The following CNTN3 variants were observed in gnomAD, a reference collection of about 807,000 sequenced individuals.
CNTN3 encodes contactin 3.
Under a neutral mutation model 119.1 loss-of-function variants are expected in CNTN3, and 60 were observed. That is an observed-to-expected ratio of 0.50 (90% CI 0.41 to 0.62). CNTN3 has a LOEUF of 0.62. Ranked by LOEUF, CNTN3 falls within the 20% of genes least tolerant of loss-of-function variation. The pLI is 0.00. For synonymous variants in CNTN3, 450 were observed against 438.7 expected, an observed-to-expected ratio of 1.03 and a Z score of -0.32; for missense variants, 1,101 against 1,242.4, an observed-to-expected ratio of 0.89 and a Z score of 1.71.
chr3:74,290,639 G>T (rs1395964732), intron 19 of CNTN3, among the ~76,000 whole-genome samples: 3 of 152,202 alleles, frequency 2.0e-5, no homozygotes, highest in African/African-American at 7.2e-5. Flanking sequence ...ATTGTTCATG[G>T]TGAGTGTGCA....
chr3:74,586,571 T>C lies in CNTN3; in HGVS notation c.-81+27820A>G, dbSNP rs80009650. Among the ~76,000 whole-genome samples, 68 of 152,202 alleles carry C rather than the reference T, an allele frequency of 4.5e-4. No individual in the cohort carries two copies. The East Asian group carries it at 9.9e-3, about 22-fold the overall frequency. ...ATCCCTGCTACAGAACTGTCTAGCTTTGAGACATTGGTTTTTAGTTACTTC... is the reference window on the plus strand; with the variant it reads ...ATCCCTGCTACAGAACTGTCTAGCTCTGAGACATTGGTTTTTAGTTACTTC... On this transcript the variant is annotated intron_variant, in intron 1 of 22. Transcript: ENST00000263665.
chr3:74,303,157 CTT>C (rs1702492388), intron 13 of CNTN3, among the ~76,000 whole-genome samples: 1 of 152,168 alleles, frequency 6.6e-6, no homozygotes, highest in Non-Finnish European at 1.5e-5. Flanking sequence ...CAGCTCAACT[CTT>C]TTCTCTGGTT....
chr3:74,538,954 T>C (rs1202325652), intron 1 of CNTN3, among the ~76,000 whole-genome samples: 2 of 152,094 alleles, frequency 1.3e-5, no homozygotes, highest in African/African-American at 4.8e-5. Context: ...CCATGGTCTT[T>C]CAAAAACATA....
At chr3:74,376,367 G>A (rs1704475716) in intron 5 of CNTN3, among the ~76,000 whole-genome samples, 1 of 152,186 alleles carries the variant, frequency 6.6e-6, no homozygotes, top group Non-Finnish European at 1.5e-5. Context: ...GCTCCCCATT[G>A]CTCACGTTAC....
chr3:74,284,605 A>G (rs1417044553), intron 20 of CNTN3, among the ~76,000 whole-genome samples: 1 of 152,220 alleles, frequency 6.6e-6, no homozygotes, highest in Non-Finnish European at 1.5e-5. Flanking sequence ...CATTGTAAGT[A>G]CCAATAAAAC....
chr3:74,550,765 C>T lies in CNTN3; in HGVS notation c.-80-29573G>A, dbSNP rs140060188. On this transcript the variant is annotated intron_variant, in intron 1 of 22. Transcript: ENST00000263665. The stretch of plus-strand genomic sequence containing the variant: ...CCATGTTGCCCAGGCTGGTCTTTAA[C>T]TCCTAGGCTCAAGCAATCTTTCCAT... Among the ~76,000 whole-genome samples the T allele has an allele frequency of 1.4e-3, 207 of 152,254 alleles. 3 individuals are homozygous for T. The highest frequency in any genetic ancestry group is 4.6e-3 in the African/African-American group (192 of 41,550).
chr3:74,373,276 G>A (rs1704387255), intron 5 of CNTN3, among the ~76,000 whole-genome samples: 1 of 152,202 alleles, frequency 6.6e-6, no homozygotes, highest in Admixed American at 6.5e-5. Flanking sequence ...TTGTTCTGCA[G>A]TTGTTAAAAC....
At chr3:74,314,477 T>C (rs1370352890) in intron 13 of CNTN3, among the ~76,000 whole-genome samples, 1 of 152,140 alleles carries the variant, frequency 6.6e-6, no homozygotes, top group Non-Finnish European at 1.5e-5. Context: ...ACTATGATTG[T>C]ACTAATCAAA....
At chr3:74,365,496 C>T (rs1704166814) in intron 9 of CNTN3, 70 bp downstream of exon 9, 5 of 1,592,104 alleles carry the variant, frequency 3.1e-6, no homozygotes, top group South Asian at 1.1e-5. Flanking sequence ...AAAGCATTTG[C>T]TAAACACCAA....
intron 1 of CNTN3, among the ~76,000 whole-genome samples, chr3:74,607,361 G>T (rs2106713366): frequency 6.6e-6 from 1 of 152,244 alleles, no homozygotes; most frequent in South Asian, 2.1e-4. Context: ...GATTTTAATT[G>T]CCTGAAAAGT....
At chr3:74,590,945 A>G (rs1337820411) in intron 1 of CNTN3, among the ~76,000 whole-genome samples, 1 of 151,998 alleles carries the variant, frequency 6.6e-6, no homozygotes, top group Non-Finnish European at 1.5e-5. Context: ...ACAAATATAC[A>G]TAACTAGTTA....
intron 20 of CNTN3, among the ~76,000 whole-genome samples, chr3:74,275,568 G>C (rs928033193): frequency 6.6e-6 from 1 of 152,002 alleles, no homozygotes; most frequent in African/African-American, 2.4e-5. Flanking sequence ...ATAAAAGAAA[G>C]ATACAGTCTT....
chr3:74,445,532 CTT>C (rs1260811155), intron 4 of CNTN3, among the ~76,000 whole-genome samples: 4 of 152,048 alleles, frequency 2.6e-5, no homozygotes, highest in Non-Finnish European at 4.4e-5. Context: ...CCAAAATGCT[CTT>C]GTTTTATGAA....
rs189523876 is a variant in CNTN3 at position 74,544,512 on chromosome 3, A to G, written c.-80-23320T>C. Among the ~76,000 whole-genome samples the G allele has an allele frequency of 2.0e-3, 299 of 152,144 alleles. 1 individual carries two copies. The Middle Eastern group carries it at 0.044, about 22-fold the overall frequency. On this transcript the variant is annotated intron_variant, in intron 1 of 22. Transcript: ENST00000263665. Reference sequence around the variant, plus strand: ...ATTCAATGACAGAACCCTCCTCCCCACTTGGACTAACTCAATGAAAACATC... The same window carrying G: ...ATTCAATGACAGAACCCTCCTCCCCGCTTGGACTAACTCAATGAAAACATC...
Position 74,267,334 on chromosome 3 carries a change from T to A in CNTN3, c.2749A>T (p.Thr917Ser), listed in dbSNP as rs1701680308. The change falls in exon 21 of 23, where the codon ACT becomes TCT. Residue 917 changes from threonine (T) to serine (S), a missense_variant. By Grantham distance (58) the Thr-to-Ser change is moderately conservative. Transcript: ENST00000263665. ...PGNVVWNATD[T>S]KVLLNWEQVK... ...TGCTCCCAATTAAGTAACACTTTAGTGTCTGTGGCATTCCAAACAACATTT... is the reference window on the plus strand; with the variant it reads ...TGCTCCCAATTAAGTAACACTTTAGAGTCTGTGGCATTCCAAACAACATTT... 1 of 1,613,404 alleles carries A rather than the reference T, an allele frequency of 6.2e-7. No individual in the cohort carries two copies. The highest frequency in any genetic ancestry group is 2.2e-5 in the East Asian group (1 of 44,860).
chr3:74,528,350 G>A (rs1316985102), intron 1 of CNTN3, among the ~76,000 whole-genome samples: 2 of 151,746 alleles, frequency 1.3e-5, no homozygotes, highest in African/African-American at 4.8e-5. Context: ...AGACAATTTT[G>A]CAATACCAGG....
chr3:74,507,407 G>A (rs1482771917), intron 2 of CNTN3, among the ~76,000 whole-genome samples: 2 of 125,452 alleles, frequency 1.6e-5, no homozygotes, highest in African/African-American at 6.1e-5. Flanking sequence ...AACAGAGTGA[G>A]ACCCCATCTC....
Position 74,465,726 on chromosome 3 carries a change from A to T in CNTN3, c.358+20730T>A, listed in dbSNP as rs534409534. On this transcript the variant is annotated intron_variant, in intron 4 of 22. Coordinates refer to ENST00000263665, the MANE Select transcript of CNTN3 (RefSeq NM_020872.3). ...TACTTTCAGAACCCTCCATTGCCCC[A>T]CCCTGCCAGTGTGTGAGGACACCAG... Among the ~76,000 whole-genome samples, 11 of 152,160 alleles carry T rather than the reference A, an allele frequency of 7.2e-5. No homozygotes were observed. The South Asian group carries it at 2.3e-3, about 32-fold the overall frequency.
intron 5 of CNTN3, among the ~76,000 whole-genome samples, chr3:74,408,248 T>G (rs1324937341): frequency 1.3e-5 from 2 of 152,208 alleles, no homozygotes; most frequent in African/African-American, 2.4e-5. Flanking sequence ...TAGGAATATT[T>G]CTGAGATGCT....
Sources: gnomAD v4.1 joint callset for allele counts (sites outside exome capture counted in the v4.1 genomes callset) on GRCh38, gnomAD v4.1.1 for gene constraint, MANE v1.5 for transcripts, NCBI Gene and HGNC (gene_info 2026-07-23, HGNC 2026-07-21) for gene names.